Variants in TAB2 observed in about 807,000 individuals in gnomAD.
TAB2 encodes the protein TGF-beta activated kinase 1 (MAP3K7) binding protein 2, also known as TGF-beta-activated kinase 1 and MAP3K7-binding protein 2.
In TAB2, 3 loss-of-function variants were observed where a neutral mutation model predicts 65.0. The ratio of observed to expected loss-of-function variants is 0.05; its 90% confidence interval spans 0.02 to 0.12. The LOEUF (loss-of-function observed/expected upper bound fraction) is 0.12. Among genes scored for constraint, TAB2 ranks in the 10% least tolerant of loss-of-function variants. The pLI is 1.00. For missense variants in TAB2, 623 were observed against 840.3 expected, an observed-to-expected ratio of 0.74 and a Z score of 3.20; for synonymous variants, 298 against 285.1, an observed-to-expected ratio of 1.05 and a Z score of -0.46.
At chr6:149,273,383 T>A (rs1301477556) in intron 1 of TAB2, among the ~76,000 whole-genome samples, 2 of 152,142 alleles carry the variant, frequency 1.3e-5, no homozygotes, top group African/African-American at 4.8e-5. Context: ...GGAACAAACA[T>A]TTCAGTTTCC....
chr6:149,399,530 T>TC (rs71681301), intron 6 of TAB2, among the ~76,000 whole-genome samples: 18,893 of 149,072 alleles, frequency 0.13, 1,658 homozygotes, highest in East Asian at 0.51. Flanking sequence ...TTAGGGAAGT[T>TC]CCCCCCCCCC....
intron 1 of TAB2, among the ~76,000 whole-genome samples, chr6:149,302,187 ATGTATTTATATTT>A (rs1778982844): frequency 6.6e-6 from 1 of 152,184 alleles, no homozygotes; most frequent in African/African-American, 2.4e-5. Context: ...GAACATATAT[ATGTATTTATATTT>A]TGTATTTATA....
chr6:149,405,262 AT>A (rs1782624352), intron 6 of TAB2, among the ~76,000 whole-genome samples: 1 of 152,226 alleles, frequency 6.6e-6, no homozygotes, highest in African/African-American at 2.4e-5. Flanking sequence ...AAGGTGAAAG[AT>A]TATATGCATT....
intron 1 of TAB2, among the ~76,000 whole-genome samples, chr6:149,340,624 A>T (rs1206648072): frequency 6.6e-6 from 1 of 152,170 alleles, no homozygotes; most frequent in African/African-American, 2.4e-5. Flanking sequence ...AAAGTGGTTT[A>T]TCTGAAGTGG....
At chr6:149,352,808 T>A (rs749112284) in intron 1 of TAB2, among the ~76,000 whole-genome samples, 4 of 152,218 alleles carry the variant, frequency 2.6e-5, no homozygotes, top group African/African-American at 9.6e-5. Context: ...TTAGGGACTT[T>A]GATTCAGTAG....
chr6:149,292,551 T>C (rs1778796409), intron 1 of TAB2, among the ~76,000 whole-genome samples: 2 of 152,212 alleles, frequency 1.3e-5, no homozygotes, highest in South Asian at 2.1e-4. Flanking sequence ...TTGTTTTAAA[T>C]GGAAGAAGAA....
At chr6:149,227,626 A>T (rs1236689978) in intron 1 of TAB2, among the ~76,000 whole-genome samples, 1 of 152,176 alleles carries the variant, frequency 6.6e-6, no homozygotes. Context: ...CACCCTTTCC[A>T]TAAAACTGCG....
In TAB2 at chr6:149,369,989, A is replaced by G; in HGVS notation, c.-9A>G. On this transcript the variant is annotated 5_prime_UTR_variant, in exon 2 of 7. Coordinates refer to ENST00000637181, the MANE Select transcript of TAB2 (RefSeq NM_001292034.3). ...ACTGTACAAATAGTCCTGATCAGGC[A>G]ATATACGAATGGCCCAAGGAAGCCA... The G allele has an allele frequency of 6.2e-7, 1 of 1,612,146 alleles. No individual in the cohort carries two copies. Among genetic ancestry groups the G allele is most frequent in the Non-Finnish European group, 8.5e-7 (1 of 1,178,180 alleles).
In TAB2 at chr6:149,281,640, G is replaced by A. The variant is rs1200602290; in HGVS notation, c.-121+62864G>A. Among the ~76,000 whole-genome samples, 3 of 149,616 alleles carry A rather than the reference G, an allele frequency of 2.0e-5. No individual in the cohort carries two copies. In the East Asian group the frequency reaches 5.9e-4, roughly 29 times the overall value. ...AAAGGAGGGGAACAAAGAACACATGGCACAAATAGAAAACAAACTGCAAGG... is the reference window on the plus strand; with the variant it reads ...AAAGGAGGGGAACAAAGAACACATGACACAAATAGAAAACAAACTGCAAGG... On this transcript the variant is annotated intron_variant, in intron 1 of 1. Coordinates refer to the TAB2 transcript ENST00000606202.
chr6:149,391,555 G>GGGC (rs1254551657), intron 3 of TAB2, among the ~76,000 whole-genome samples: 4 of 151,890 alleles, frequency 2.6e-5, no homozygotes, highest in Non-Finnish European at 5.9e-5. Flanking sequence ...TCAGGGACAG[G>GGGC]GGCAGGGGCA....
intron 1 of TAB2, among the ~76,000 whole-genome samples, chr6:149,236,709 G>C (rs1195602973): frequency 6.6e-6 from 1 of 152,204 alleles, no homozygotes; most frequent in Non-Finnish European, 1.5e-5. Context: ...AAAATTAATA[G>C]TTGGAGTTAT....
chr6:149,366,291 G>A (rs940263602), intron 1 of TAB2, among the ~76,000 whole-genome samples: 9 of 152,082 alleles, frequency 5.9e-5, no homozygotes, highest in Admixed American at 4.6e-4. Context: ...CTCTGAAATC[G>A]CAGTTCAGTT....
chr6:149,281,555 CAAAAAAAAAAAA>C (rs59196897), intron 1 of TAB2, among the ~76,000 whole-genome samples: 2 of 70,348 alleles, frequency 2.8e-5, no homozygotes, highest in Non-Finnish European at 6.0e-5. Context: ...GATGCCATCT[CAAAAAAAAAAAA>C]AAAAAAAAAA....
intron 1 of TAB2, among the ~76,000 whole-genome samples, chr6:149,303,886 G>A (rs1779012446): frequency 1.3e-5 from 2 of 152,212 alleles, no homozygotes; most frequent in South Asian, 2.1e-4. Context: ...GGCAATGAGT[G>A]GTGAGTGCCT....
At chr6:149,389,661 A>G (rs2114920559) in intron 3 of TAB2, among the ~76,000 whole-genome samples, 1 of 148,476 alleles carries the variant, frequency 6.7e-6, no homozygotes, top group African/African-American at 2.4e-5. Flanking sequence ...AAAAAAAAAA[A>G]AAAAGGTATA....
At chr6:149,263,730 C>A (rs1778202483) in intron 1 of TAB2, among the ~76,000 whole-genome samples, 1 of 152,222 alleles carries the variant, frequency 6.6e-6, no homozygotes. Context: ...CTTCTACGAG[C>A]CAGGCACACA....
rs551528387 is a variant in TAB2 at position 149,359,262 on chromosome 6, A to AT, written c.-89-10645dup. 1.3e-4 allele frequency among the ~76,000 whole-genome samples: 20 copies of AT among 152,316 alleles called. No individual in the cohort carries two copies. In the South Asian group the frequency reaches 4.1e-3, roughly 32 times the overall value. On this transcript the variant is annotated intron_variant, in intron 1 of 6. Transcript: ENST00000637181. ...TTGCTTCCTGGGTTAAAGAAATAAG[A>AT]TTCCATAGCAGTTTTACTTTTGTTT... is the stretch of plus-strand genomic sequence containing the variant.
rs143125160 is a variant in TAB2 at position 149,352,500 on chromosome 6, A to G, written c.-89-17409A>G. On this transcript the variant is annotated intron_variant, in intron 1 of 6. Coordinates refer to ENST00000637181, the MANE Select transcript of TAB2 (RefSeq NM_001292034.3). ...TTCATTTTAATAATCTTTTTATTTC[A>G]TTGCCTTTCACCCAGTTTTTTAAAC... Among the ~76,000 whole-genome samples the G allele has an allele frequency of 5.0e-3, 767 of 152,172 alleles. 8 individuals are homozygous for G. The highest frequency in any genetic ancestry group is 0.018 in the African/African-American group (742 of 41,528).
At chr6:149,377,451 A>G (rs1485312753) in intron 2 of TAB2, among the ~76,000 whole-genome samples, 2 of 151,840 alleles carry the variant, frequency 1.3e-5, no homozygotes, top group African/African-American at 4.8e-5. Flanking sequence ...TTGAGCCTCC[A>G]GAGAGAGAGG....
Sources: allele counts gnomAD v4.1 joint callset (sites outside exome capture counted in the v4.1 genomes callset), GRCh38; gene constraint gnomAD v4.1.1; transcripts MANE v1.5; gene names NCBI Gene and HGNC (gene_info 2026-07-23, HGNC 2026-07-21).